The following MED14 variants were observed in gnomAD, a reference collection of about 807,000 sequenced individuals.
MED14 encodes the protein mediator complex subunit 14.
A neutral mutation model predicts 109.0 loss-of-function variants in MED14; 8 were observed. The ratio of observed to expected loss-of-function variants is 0.07; its 90% CI spans 0.04 to 0.13. The LOEUF (loss-of-function observed/expected upper bound fraction) is 0.13. Among genes scored for constraint, MED14 ranks in the 10% least tolerant of loss-of-function variants. The pLI, the probability that MED14 is intolerant of heterozygous loss-of-function variation, is 1.00. For synonymous variants in MED14, 399 were observed against 408.7 expected (o/e 0.98, Z 0.29); for missense variants, 711 against 1,142.4 (o/e 0.62, Z 5.44).
In MED14 at chrX:40,682,712, C is replaced by A. The variant is rs757940056; in HGVS notation, c.2256G>T (p.Leu752=). 2 of 1,209,095 alleles carry A rather than the reference C, an allele frequency of 1.7e-6. No homozygotes were observed. Among genetic ancestry groups the A allele is most frequent in the East Asian group, 3.0e-5 (1 of 33,811 alleles). ...SRHVYLTYEN[L]LSEPVGGRKV... The stretch of plus-strand genomic sequence containing the variant: ...TTCTACCACCAACAGGCTCAGACAA[C>A]AGATTTTCATATGTCAGGTAAACGT... The change falls in exon 18 of 31, where the codon CTG becomes CTT. Residue 752 remains leucine (L), a synonymous_variant. Transcript: ENST00000324817.
intron 1 of MED14, among the ~76,000 whole-genome samples, chrX:40,731,263 G>C (rs1414686391): frequency 9.0e-6 from 1 of 110,671 alleles, no homozygotes; most frequent in Non-Finnish European, 1.9e-5. Context: ...AAAAAACCCA[G>C]AAATCTGAGA....
chrX:40,690,364 A>G (rs1042446979), intron 15 of MED14, among the ~76,000 whole-genome samples: 3 of 111,591 alleles, frequency 2.7e-5, no homozygotes, highest in African/African-American at 9.8e-5. Context: ...AAATTCCTGT[A>G]AAGCAGGAGT....
At chrX:40,700,363 C>CA (rs749901603) in intron 12 of MED14, among the ~76,000 whole-genome samples, 454 of 4,947 alleles carry the variant, frequency 0.092, 86 homozygotes, top group African/African-American at 0.23. Flanking sequence ...AACCCTGTCT[C>CA]AAAAAAAAAA....
intron 10 of MED14, among the ~76,000 whole-genome samples, chrX:40,706,943 T>C (rs915508009): frequency 1.8e-5 from 2 of 111,983 alleles, no homozygotes; most frequent in African/African-American, 3.2e-5. Flanking sequence ...AAAATTAAGA[T>C]TGCAAAATAC....
At chrX:40,688,961 A>G (rs1165675173) in intron 15 of MED14, among the ~76,000 whole-genome samples, 1 of 112,472 alleles carries the variant, frequency 8.9e-6, no homozygotes, top group Admixed American at 9.4e-5. Context: ...CATTTCTGAA[A>G]TACATTTTTA....
At chrX:40,728,967 G>T (rs368842865) in intron 2 of MED14, among the ~76,000 whole-genome samples, 1 of 111,265 alleles carries the variant, frequency 9.0e-6, no homozygotes, top group Non-Finnish European at 1.9e-5. Flanking sequence ...ACAGGCGCCC[G>T]CCACTATGCC....
chrX:40,713,060 T>A lies in MED14; in HGVS notation c.653-18A>T. On this transcript the variant is annotated intron_variant, in intron 5 of 30. Transcript: ENST00000324817. Reference sequence around the variant, plus strand: ...GCCATTTGCTTTTAGAAGAAAAAGATGAAGAAAAAGAAGTGTACTTTGCTA... The same window carrying A: ...GCCATTTGCTTTTAGAAGAAAAAGAAGAAGAAAAAGAAGTGTACTTTGCTA... The A allele has an allele frequency of 8.7e-7, 1 of 1,153,677 alleles. No homozygotes were observed. Among genetic ancestry groups the A allele is most frequent in the Non-Finnish European group, 1.2e-6 (1 of 860,684 alleles).
chrX:40,658,122 A>C (rs1929126095), intron 28 of MED14, among the ~76,000 whole-genome samples: 1 of 102,265 alleles, frequency 9.8e-6, no homozygotes, highest in African/African-American at 3.7e-5. Flanking sequence ...AGACAGTCTC[A>C]CTCCATCACC....
chrX:40,715,497 T>C (rs1356461353), intron 3 of MED14, among the ~76,000 whole-genome samples: 1 of 111,061 alleles, frequency 9.0e-6, no homozygotes, highest in Non-Finnish European at 1.9e-5. Context: ...CTCTAAGACA[T>C]TGGCCTGGGC....
At chrX:40,707,321 T>C (rs1931188527) in intron 10 of MED14, among the ~76,000 whole-genome samples, 1 of 112,222 alleles carries the variant, frequency 8.9e-6, no homozygotes, top group African/African-American at 3.2e-5. Flanking sequence ...CAAGTATTGG[T>C]GAGGATGTGG....
intron 28 of MED14, among the ~76,000 whole-genome samples, chrX:40,655,263 C>T (rs184136590): frequency 9.0e-6 from 1 of 110,621 alleles, no homozygotes; most frequent in African/African-American, 3.3e-5. Flanking sequence ...AAGATTTTCC[C>T]CTTCCTTCCC....
chrX:40,715,533 T>C (rs1931481333), intron 3 of MED14, among the ~76,000 whole-genome samples: 1 of 110,485 alleles, frequency 9.1e-6, no homozygotes, highest in South Asian at 3.8e-4. Context: ...AGGTCTGTAA[T>C]CCCAGCACTT....
Position 40,675,200 on chromosome X carries a change from G to C in MED14, c.3021+21C>G, listed in dbSNP as rs754420411. The C allele has an allele frequency of 1.3e-5, 15 of 1,137,201 alleles. No individual in the cohort carries two copies. The East Asian group carries it at 4.3e-4, about 33-fold the overall frequency. The allele number at this position is 1,137,201 out of a possible 1,213,427, so 93.7% of individuals were successfully genotyped here. A position where few individuals can be genotyped will look rare whatever the true frequency, so the allele number is the denominator to read the frequency against. On this transcript the variant is annotated intron_variant, in intron 22 of 30. Coordinates refer to ENST00000324817, the MANE Select transcript of MED14 (RefSeq NM_004229.4). Reference sequence around the variant, plus strand: ...AAGTTACAGAAATGTGATACCACTTGGAATTCTGGCTAGATATTACCTGTT... The same window carrying C: ...AAGTTACAGAAATGTGATACCACTTCGAATTCTGGCTAGATATTACCTGTT...
intron 29 of MED14, 31 bp downstream of exon 29, chrX:40,654,904 T>C (rs375869303): frequency 3.2e-4 from 378 of 1,196,152 alleles, no homozygotes; most frequent in Non-Finnish European, 3.9e-4. Flanking sequence ...TCAGAAGCTC[T>C]GTACATGCAC....
intron 3 of MED14, among the ~76,000 whole-genome samples, chrX:40,721,768 C>T (rs1405943111): frequency 1.8e-5 from 2 of 112,683 alleles, no homozygotes; most frequent in Non-Finnish European, 3.8e-5. Flanking sequence ...TGGGTGCTTA[C>T]ATCACCATAC....
At chrX:40,696,440 G>A (rs1315797402) in intron 13 of MED14, among the ~76,000 whole-genome samples, 3 of 110,668 alleles carry the variant, frequency 2.7e-5, no homozygotes, top group Non-Finnish European at 5.7e-5. Context: ...TGCCTGGCCA[G>A]AAATTTCAAC....
intron 23 of MED14, among the ~76,000 whole-genome samples, chrX:40,670,783 T>TA (rs1269478420): frequency 5.1e-5 from 5 of 98,689 alleles, no homozygotes; most frequent in African/African-American, 1.9e-4. Flanking sequence ...AAAAAAAAAA[T>TA]AAAAAAAATA....
In MED14 at chrX:40,726,894, C is replaced by G. The variant is rs777505941; in HGVS notation, c.243-43G>C. On this transcript the variant is annotated intron_variant, in intron 2 of 30. Transcript: ENST00000324817. Reference sequence around the variant, plus strand: ...TCTTAATGAACCAACATATTAGAAACAGTATTTCACAATTTATTTCAGCTA... The same window carrying G: ...TCTTAATGAACCAACATATTAGAAAGAGTATTTCACAATTTATTTCAGCTA... 12 of 999,280 alleles carry G rather than the reference C, an allele frequency of 1.2e-5. No individual in the cohort carries two copies. The South Asian group carries it at 2.0e-4, about 17-fold the overall frequency. The allele number at this position is 999,280 out of a possible 1,213,427, so 82.4% of individuals were successfully genotyped here.
intron 23 of MED14, among the ~76,000 whole-genome samples, chrX:40,667,922 C>T (rs755505584): frequency 9.0e-6 from 1 of 111,162 alleles, no homozygotes; most frequent in Non-Finnish European, 1.9e-5. Flanking sequence ...CGAAGAGCTT[C>T]GGCCCAAGTA....
Sources: gnomAD v4.1 joint callset for allele counts (sites outside exome capture counted in the v4.1 genomes callset) on GRCh38, gnomAD v4.1.1 for gene constraint, MANE v1.5 for transcripts, NCBI Gene and HGNC (gene_info 2026-07-23, HGNC 2026-07-21) for gene names.